The following PCSK4 variants were observed in gnomAD, a reference collection of about 807,000 sequenced individuals.
PCSK4 encodes the protein testicular tissue protein Li 135.
A neutral mutation model predicts 80.3 loss-of-function variants in PCSK4; 64 were observed. That is an observed-to-expected ratio of 0.80 (90% CI 0.65 to 0.98). The LOEUF (loss-of-function observed/expected upper bound fraction) is 0.98. Among genes scored for constraint, PCSK4 ranks in the 50% least tolerant of loss-of-function variants. The pLI is 0.00. For missense variants in PCSK4, 1,213 were observed against 1,093.6 expected, an observed-to-expected ratio of 1.11 and a Z score of -1.54; for synonymous variants, 561 against 487.6, an observed-to-expected ratio of 1.15 and a Z score of -1.98.
intron 6 of PCSK4, 93 bp downstream of exon 6, chr19:1,487,510 G>A: frequency 4.3e-6 from 5 of 1,175,308 alleles, no homozygotes; most frequent in Non-Finnish European, 6.1e-6. Flanking sequence ...GCAGTGAGAG[G>A]GTGGGCTCCC....
chr19:1,489,706 C>G, intron 2 of PCSK4, 87 bp downstream of exon 2: 3 of 1,528,996 alleles, frequency 2.0e-6, no homozygotes, highest in Non-Finnish European at 1.8e-6. Context: ...CTGTTCATAA[C>G]AACCACGAGA....
rs1450828741 is a variant in PCSK4, at chr19:1,489,899, T to C, written c.190-2A>G. Reference sequence around the variant, plus strand: ...AAAGTACTGCCCGTCAGGGAAGATCTGGGGATGTGGGGAAGCGGCCGCACC... The same window carrying C: ...AAAGTACTGCCCGTCAGGGAAGATCCGGGGATGTGGGGAAGCGGCCGCACC... On this transcript the variant is annotated splice_acceptor_variant, in intron 1 of 14. Coordinates refer to ENST00000300954, the Ensembl canonical transcript of PCSK4. LOFTEE classifies it high-confidence loss of function. The C allele has an allele frequency of 6.2e-7, 1 of 1,602,984 alleles. No homozygotes were observed. Among genetic ancestry groups the C allele is most frequent in the African/African-American group, 1.3e-5 (1 of 74,730 alleles).
rs1383507323 is a variant in PCSK4 at position 1,484,008 on chromosome 19, G to C, written c.1169+19C>G. ...CGCCTGGGGGCGAGGGCGGTGGACC[G>C]GGCCCCGCAGTCACCTACTTGGCCT... On this transcript the variant is annotated intron_variant, in intron 9 of 14. Coordinates refer to ENST00000300954, the Ensembl canonical transcript of PCSK4. 24 of 1,518,174 alleles carry C rather than the reference G, an allele frequency of 1.6e-5. No individual in the cohort carries two copies. Among genetic ancestry groups the C allele is most frequent in the South Asian group, 6.0e-5 (5 of 83,072 alleles). 94.0% of individuals were successfully genotyped at this position (1,518,174 alleles called of 1,614,324 possible).
chr19:1,483,550 A>G, intron 11 of PCSK4, 87 bp from the exon 12 acceptor site: 1 of 1,415,520 alleles, frequency 7.1e-7, no homozygotes, highest in Non-Finnish European at 9.6e-7. Context: ...CTCAGAGGTC[A>G]CGGGGTCCAG....
exon 12 of PCSK4, chr19:1,483,299 G>A (rs1208039776): frequency 5.0e-6 from 8 of 1,602,106 alleles, no homozygotes; most frequent in Non-Finnish European, 6.8e-6. Flanking sequence ...GGCCACGAGT[G>A]TGGAGCGCGT....
Position 1,490,196 on chromosome 19 carries a change from G to T in PCSK4, c.151C>A (p.Arg51Ser), listed in dbSNP as rs752921307. The T allele has an allele frequency of 5.6e-6, 9 of 1,613,540 alleles. No individual in the cohort carries two copies. The highest frequency in any genetic ancestry group is 2.7e-5 in the African/African-American group (2 of 75,040). ...ACGAAGCCGAATTTGCGTGCCAGGC[G>T]CTCGACCTCCCGGTTACCCTGGGAC... The change falls in exon 1 of 15, where the codon CGC (arginine) becomes AGC (serine). Residue 51 changes from arginine to serine, a missense_variant. Coordinates refer to ENST00000300954, the Ensembl canonical transcript of PCSK4.
upstream of PCSK4, chr19:1,490,650 T>C (rs1320225689): frequency 5.4e-6 from 2 of 369,438 alleles, no homozygotes; most frequent in Non-Finnish European, 9.7e-6. Context: ...ACCCTTTGTT[T>C]GACCTCTCCC....
exon 15 of PCSK4, chr19:1,481,828 T>C (rs750805007): frequency 2.6e-6 from 4 of 1,548,322 alleles, no homozygotes; most frequent in South Asian, 1.2e-5. Context: ...GCCAGGCGTA[T>C]AGTGGGAGGT....
Position 1,487,816 on chromosome 19 carries a change from G to A in PCSK4, c.562C>T (p.Gln188Ter). 2 of 1,575,642 alleles carry A rather than the reference G, an allele frequency of 1.3e-6. No homozygotes were observed. Among genetic ancestry groups the A allele is most frequent in the Non-Finnish European group, 1.7e-6 (2 of 1,160,034 alleles). Reference sequence around the variant, plus strand: ...TCTTTGCTGGGGGTGTAGCGGGGCTGGGGGTCCGGGTCGTAGTCATTGAAG... The same window carrying A: ...TCTTTGCTGGGGGTGTAGCGGGGCTAGGGGTCCGGGTCGTAGTCATTGAAG... Residue 188 changes from glutamine (Q) to a stop codon, truncating the protein, a stop_gained, in exon 5 of 15, where the codon CAG (glutamine) becomes TAG (stop). Transcript: ENST00000300954. LOFTEE classifies it high-confidence loss of function.
At chr19:1,489,224 C>T (rs949072294) in intron 2 of PCSK4, among the ~76,000 whole-genome samples, 4 of 151,666 alleles carry the variant, frequency 2.6e-5, no homozygotes, top group East Asian at 1.9e-4. Context: ...CTCCGCCTCC[C>T]GGGTTCACAC....
chr19:1,490,328 C>T (rs1335099631), exon 1 of PCSK4: 1 of 1,374,834 alleles, frequency 7.3e-7, no homozygotes, highest in Admixed American at 2.3e-5. Flanking sequence ...AGCCACAGCG[C>T]AATCGGGGCG....
intron 12 of PCSK4, 118 bp from the exon 13 acceptor site, chr19:1,483,138 G>T: frequency 1.6e-6 from 2 of 1,249,298 alleles, no homozygotes; most frequent in Non-Finnish European, 2.2e-6. Context: ...TCTGGGTGTG[G>T]GTGAGGGTGT....
At chr19:1,485,124 G>A (rs901038701) in intron 8 of PCSK4, among the ~76,000 whole-genome samples, 1 of 151,792 alleles carries the variant, frequency 6.6e-6, no homozygotes, top group Non-Finnish European at 1.5e-5. Context: ...CTCCAACCTG[G>A]GTGACAGAGT....
At chr19:1,483,084 GC>G in intron 12 of PCSK4, 64 bp from the exon 13 acceptor site, 2 of 1,436,182 alleles carry the variant, frequency 1.4e-6, no homozygotes, top group Non-Finnish European at 1.9e-6. Flanking sequence ...AGCCGGCAGA[GC>G]CCCATGAAGT....
At position 1,483,634 on chromosome 19, in the gene PCSK4, C is replaced by A. The variant is rs772380960; in HGVS notation, c.1391+16G>T. On this transcript the variant is annotated intron_variant, in intron 11 of 14. Transcript: ENST00000300954. ...ACCCCCAGCGGGGATAGCGGAGGGG[C>A]GCGCAGGGGTCTCACGTGGGGCGGC... The A allele has an allele frequency of 4.5e-6, 7 of 1,556,008 alleles. No homozygotes were observed. Among genetic ancestry groups the A allele is most frequent in the Admixed American group, 1.8e-5 (1 of 57,134 alleles).
chr19:1,487,660 C>T lies in PCSK4; in HGVS notation c.625G>A (p.Ala209Thr), dbSNP rs780188135. Residue 209 changes from alanine (A) to threonine (T), a missense_variant, in exon 6 of 15, where the codon GCG (alanine) becomes ACG (threonine). Physicochemically the swap from Ala to Thr is moderately conservative, Grantham distance 58. Coordinates refer to ENST00000300954, the Ensembl canonical transcript of PCSK4. Reference sequence around the variant, plus strand: ...CCACAGAAGCCATTGTTGGCCATCGCGGCCACCTCCCCAGCACAGCGGGTC... The same window carrying T: ...CCACAGAAGCCATTGTTGGCCATCGTGGCCACCTCCCCAGCACAGCGGGTC... 5.7e-5 allele frequency: 88 copies of T among 1,554,986 alleles called. No individual in the cohort carries two copies. Among genetic ancestry groups the T allele is most frequent in the Non-Finnish European group, 7.7e-5 (88 of 1,149,696 alleles).
At chr19:1,488,402 C>T (rs2084755545) in intron 2 of PCSK4, 122 bp from the exon 3 acceptor site, 1 of 705,004 alleles carries the variant, frequency 1.4e-6, no homozygotes, top group Non-Finnish European at 2.4e-6. Flanking sequence ...TCTCCAGGGT[C>T]CCCATGTGCC....
chr19:1,485,066 T>G (rs2084532978), intron 8 of PCSK4, among the ~76,000 whole-genome samples: 1 of 151,964 alleles, frequency 6.6e-6, no homozygotes. Context: ...GAGGATCGCT[T>G]GAGCCTGGGA....
At chr19:1,484,124 T>C in exon 9 of PCSK4, 1 of 1,550,988 alleles carries the variant, frequency 6.4e-7, no homozygotes, top group South Asian at 1.2e-5. Flanking sequence ...AGGTCCGTGG[T>C]GACCTGAGGG....
Sources: allele counts gnomAD v4.1 joint callset (sites outside exome capture counted in the v4.1 genomes callset), GRCh38; gene constraint gnomAD v4.1.1; transcripts MANE v1.5; gene names NCBI Gene and HGNC (gene_info 2026-07-23, HGNC 2026-07-21).